Variants in ITCH observed in about 807,000 individuals in gnomAD.
The protein encoded by ITCH is E3 ubiquitin-protein ligase Itchy homolog.
Under a neutral mutation model 126.8 loss-of-function variants are expected in ITCH, and 28 were observed. That is an observed-to-expected ratio of 0.22 (90% confidence interval 0.16 to 0.30). ITCH has a LOEUF of 0.30. Among genes scored for constraint, ITCH ranks in the 10% least tolerant of loss-of-function variants. The pLI is 1.00. For synonymous variants in ITCH, 342 were observed against 340.0 expected, an observed-to-expected ratio of 1.01 and a Z score of -0.06; for missense variants, 631 against 1,032.4, an observed-to-expected ratio of 0.61 and a Z score of 5.33.
intron 24 of ITCH, 107 bp downstream of exon 24, chr20:34,504,510 G>A: frequency 1.3e-6 from 1 of 762,270 alleles, no homozygotes; most frequent in Admixed American, 2.0e-5. Flanking sequence ...TTACAGAATA[G>A]CACAGCCATC....
chr20:34,478,524 G>C (rs1285074749), intron 17 of ITCH, among the ~76,000 whole-genome samples: 1 of 152,100 alleles, frequency 6.6e-6, no homozygotes, highest in Admixed American at 6.5e-5. Flanking sequence ...CAAAGACAAG[G>C]ACTTTGGGGT....
In ITCH at chr20:34,462,174, T is replaced by C. The variant is rs766984284; in HGVS notation, c.1377T>C (p.Asn459=). 1.2e-6 allele frequency: 2 copies of C among 1,613,798 alleles called. No homozygotes were observed. The highest frequency in any genetic ancestry group is 2.2e-5 in the South Asian group (2 of 91,082). Residue 459 remains asparagine, a synonymous_variant, in exon 14 of 25, where the codon AAT becomes AAC. Coordinates refer to ENST00000374864, the MANE Select transcript of ITCH (RefSeq NM_031483.7). ...GAATTCCATATTTTGTGGACCACAA[T>C]AGAAGAACTACCACCTATATAGATC... ...VDGIPYFVDH[N]RRTTTYIDPR...
intron 14 of ITCH, chr20:34,466,335 G>C (rs760227465): frequency 7.6e-6 from 4 of 526,674 alleles, no homozygotes; most frequent in South Asian, 1.4e-5. Context: ...TTTTTTTTTA[G>C]TATTTTTCCA....
chr20:34,486,010 A>C (rs750859138), intron 20 of ITCH, among the ~76,000 whole-genome samples: 2 of 151,870 alleles, frequency 1.3e-5, no homozygotes, highest in Non-Finnish European at 2.9e-5. Flanking sequence ...TATATCCCAC[A>C]ATTTTTTGTT....
chr20:34,469,759 C>G (rs1274299834), intron 14 of ITCH, among the ~76,000 whole-genome samples: 3 of 152,198 alleles, frequency 2.0e-5, no homozygotes, highest in African/African-American at 7.2e-5. Context: ...AGACAGCATT[C>G]TCAGATAGAA....
Position 34,387,619 on chromosome 20 carries a change from C to CAAA in ITCH, c.-21-6159_-21-6157dup, listed in dbSNP as rs771355212. Among the ~76,000 whole-genome samples the CAAA allele has an allele frequency of 2.4e-4, 21 of 86,698 alleles. 1 individual carries two copies. The highest frequency in any genetic ancestry group is 8.5e-4 in the African/African-American group (20 of 23,662). 56.9% of individuals were successfully genotyped at this position (86,698 alleles called of 152,430 possible). ...TAGGCAACAGAGCGAGACCCTGTCTCAAAAAAAAAAAAAAAGACCCTGTTT... is the reference window on the plus strand; with the variant it reads ...TAGGCAACAGAGCGAGACCCTGTCTCAAAAAAAAAAAAAAAAAAGACCCTGTTT... On this transcript the variant is annotated intron_variant, in intron 2 of 24. Coordinates refer to ENST00000374864, the MANE Select transcript of ITCH (RefSeq NM_031483.7).
At chr20:34,431,675 A>C (rs997096768) in intron 7 of ITCH, among the ~76,000 whole-genome samples, 2 of 152,206 alleles carry the variant, frequency 1.3e-5, no homozygotes, top group Non-Finnish European at 2.9e-5. Flanking sequence ...CAAAAAAGGG[A>C]TGATGAGAAG....
intron 16 of ITCH, among the ~76,000 whole-genome samples, chr20:34,474,480 G>A (rs1040596383): frequency 1.3e-5 from 2 of 152,240 alleles, no homozygotes; most frequent in East Asian, 1.9e-4. Flanking sequence ...AGGGTTGGGG[G>A]TAAGGTCACA....
intron 17 of ITCH, 158 bp downstream of exon 17, chr20:34,478,018 A>G (rs1187639114): frequency 3.2e-6 from 3 of 929,200 alleles, no homozygotes; most frequent in Non-Finnish European, 3.2e-6. Context: ...AATTTCAAAA[A>G]ACATTTAATT....
chr20:34,413,509 T>C (rs1433423569), intron 5 of ITCH, among the ~76,000 whole-genome samples: 2 of 152,226 alleles, frequency 1.3e-5, no homozygotes, highest in East Asian at 3.8e-4. Context: ...ACGATGGAGA[T>C]ACTATTTTAC....
chr20:34,398,602 T>A (rs1294240777), intron 3 of ITCH, among the ~76,000 whole-genome samples: 1 of 152,148 alleles, frequency 6.6e-6, no homozygotes, highest in Middle Eastern at 3.2e-3. Flanking sequence ...TTTCACCATG[T>A]TGGTCAGGCT....
intron 7 of ITCH, among the ~76,000 whole-genome samples, chr20:34,429,608 G>C (rs556358477): frequency 2.1e-4 from 32 of 152,220 alleles, no homozygotes; most frequent in Non-Finnish European, 3.2e-4. Context: ...AATAATAACA[G>C]ATAGTAAAAA....
intron 3 of ITCH, among the ~76,000 whole-genome samples, chr20:34,406,895 C>G (rs975177527): frequency 3.3e-5 from 5 of 152,144 alleles, no homozygotes; most frequent in Non-Finnish European, 5.9e-5. Flanking sequence ...GGTTCCTTAA[C>G]TTTGATGAGC....
intron 6 of ITCH, among the ~76,000 whole-genome samples, chr20:34,415,484 G>C (rs926799581): frequency 6.6e-5 from 10 of 152,116 alleles, no homozygotes; most frequent in Non-Finnish European, 1.0e-4. Context: ...TTGAGCCCAG[G>C]AGTCAGAGGT....
chr20:34,414,010 G>T, intron 6 of ITCH, 131 bp downstream of exon 6: 2 of 750,104 alleles, frequency 2.7e-6, no homozygotes, highest in Non-Finnish European at 4.3e-6. Context: ...CGGTGTGGTG[G>T]CTCACGCCTC....
intron 6 of ITCH, among the ~76,000 whole-genome samples, chr20:34,424,104 T>C (rs1981159541): frequency 6.6e-6 from 1 of 152,228 alleles, no homozygotes; most frequent in African/African-American, 2.4e-5. Flanking sequence ...CTGGAATCGA[T>C]TTTATTCTGC....
chr20:34,480,944 C>A (rs1988691237), intron 19 of ITCH, 122 bp from the exon 20 acceptor site: 7 of 1,144,394 alleles, frequency 6.1e-6, no homozygotes, highest in Non-Finnish European at 8.9e-6. Context: ...AATCTTATTT[C>A]TTCTTATTTT....
At chr20:34,423,144 T>C (rs906925993) in intron 6 of ITCH, among the ~76,000 whole-genome samples, 1 of 152,210 alleles carries the variant, frequency 6.6e-6, no homozygotes, top group Non-Finnish European at 1.5e-5. Context: ...TTTGTATAAA[T>C]GGAATCATAA....
At chr20:34,402,464 C>G (rs2038920032) in intron 3 of ITCH, 1 of 767,794 alleles carries the variant, frequency 1.3e-6, no homozygotes, top group Admixed American at 1.7e-5. Context: ...GATGGAGAGA[C>G]CACTGAAAAA....
Sources: allele counts gnomAD v4.1 joint callset (sites outside exome capture counted in the v4.1 genomes callset), GRCh38; gene constraint gnomAD v4.1.1; transcripts MANE v1.5; gene names NCBI Gene and HGNC (gene_info 2026-07-23, HGNC 2026-07-21).